Variants in WWOX observed in about 807,000 individuals in gnomAD.
WWOX encodes WW domain containing oxidoreductase.
Under a neutral mutation model 46.2 loss-of-function variants are expected in WWOX, and 69 were observed. That is an observed-to-expected ratio of 1.49 (90% confidence interval 1.23 to 1.82). WWOX has a LOEUF of 1.82. Among genes scored for constraint, WWOX ranks in the 40% most tolerant of loss-of-function variants. WWOX has a pLI of 0.00. For missense variants in WWOX, 919 were observed against 542.6 expected (o/e 1.69, Z -6.89); for synonymous variants, 359 against 202.6 (o/e 1.77, Z -6.56).
chr16:78,391,910 C>G (rs886715169), intron 6 of WWOX, among the ~76,000 whole-genome samples: 3 of 151,944 alleles, frequency 2.0e-5, no homozygotes, highest in Non-Finnish European at 4.4e-5. Context: ...CTCCTCTTTT[C>G]CTCCCTCCCT....
chr16:78,933,555 G>C (rs1170168950), intron 8 of WWOX, among the ~76,000 whole-genome samples: 3 of 152,222 alleles, frequency 2.0e-5, no homozygotes, highest in Admixed American at 2.0e-4. Context: ...GCTCCTTTAA[G>C]ACATGAATTA....
chr16:79,038,490 T>C lies in WWOX; in HGVS notation c.1057-173118T>C, dbSNP rs548249743. On this transcript the variant is annotated intron_variant, in intron 8 of 8. Coordinates refer to ENST00000566780, the MANE Select transcript of WWOX (RefSeq NM_016373.4). ...GGAAATTTATTGAGATGTTATTGTT[T>C]ATGAGTGTTCTAATTATGATTTTTA... 1.8e-4 allele frequency among the ~76,000 whole-genome samples: 28 copies of C among 152,330 alleles called. 1 individual carries two copies. Among genetic ancestry groups the C allele is most frequent in the African/African-American group, 6.7e-4 (28 of 41,572 alleles).
At chr16:78,427,505 C>A (rs962178454) in intron 7 of WWOX, among the ~76,000 whole-genome samples, 2 of 152,016 alleles carry the variant, frequency 1.3e-5, no homozygotes, top group South Asian at 4.1e-4. Flanking sequence ...TTGCCCTCCC[C>A]CACCCCACAC....
At chr16:78,941,899 G>A (rs772897369) in intron 8 of WWOX, among the ~76,000 whole-genome samples, 13 of 151,706 alleles carry the variant, frequency 8.6e-5, no homozygotes, top group Non-Finnish European at 1.3e-4. Context: ...ATTTAATTAC[G>A]GCGCTGATTA....
At chr16:78,513,894 TCCC>T (rs34101872) in intron 8 of WWOX, among the ~76,000 whole-genome samples, 17 of 116,392 alleles carry the variant, frequency 1.5e-4, no homozygotes, top group African/African-American at 7.3e-4. Flanking sequence ...CAGTTCCCAC[TCCC>T]CCCCCCCCCA....
At chr16:78,205,827 ACCTTCCTTCCTTCCTTCCGTCCTT>A (rs376131477) in intron 5 of WWOX, among the ~76,000 whole-genome samples, 32 of 144,946 alleles carry the variant, frequency 2.2e-4, no homozygotes, top group African/African-American at 5.1e-4. Context: ...CTTCCTTCCT[ACCTTCCTTCCTTCCTTCCGTCCTT>A]CCTTCCTTCC....
intron 8 of WWOX, among the ~76,000 whole-genome samples, chr16:78,973,501 A>T (rs555245823): frequency 6.6e-6 from 1 of 152,192 alleles, no homozygotes; most frequent in South Asian, 2.1e-4. Context: ...CTCTAACAAC[A>T]TGTCTGATGA....
intron 8 of WWOX, among the ~76,000 whole-genome samples, chr16:78,616,788 A>G (rs1321115169): frequency 6.6e-6 from 1 of 151,698 alleles, no homozygotes; most frequent in Non-Finnish European, 1.5e-5. Flanking sequence ...TAATAAAGTA[A>G]ATAAAAGGGC....
intron 8 of WWOX, among the ~76,000 whole-genome samples, chr16:78,682,599 C>G (rs2142237939): frequency 6.6e-6 from 1 of 152,148 alleles, no homozygotes; most frequent in East Asian, 1.9e-4. Flanking sequence ...TACAAGAAGG[C>G]CACATGTGGT....
intron 5 of WWOX, among the ~76,000 whole-genome samples, chr16:78,385,976 C>G (rs1426275472): frequency 2.6e-5 from 4 of 152,190 alleles, no homozygotes; most frequent in African/African-American, 9.6e-5. Context: ...GGAGATTTGT[C>G]CTTGCAGAAT....
intron 8 of WWOX, among the ~76,000 whole-genome samples, chr16:79,109,544 T>C (rs2049376855): frequency 1.3e-5 from 2 of 152,214 alleles, no homozygotes; most frequent in Non-Finnish European, 2.9e-5. Context: ...CAAATTAATA[T>C]GCAGTTGCTA....
At chr16:78,603,748 A>C (rs2045679703) in intron 8 of WWOX, among the ~76,000 whole-genome samples, 1 of 152,156 alleles carries the variant, frequency 6.6e-6, no homozygotes, top group South Asian at 2.1e-4. Context: ...ATGAAATTGA[A>C]AGAGAACACT....
chr16:78,748,242 T>G lies in WWOX; in HGVS notation c.1056+315490T>G, dbSNP rs142618174. ...AATACATATCTGATGAATGAATGAA[T>G]GAACCTTGTCTACCACAGATAGCTC... On this transcript the variant is annotated intron_variant, in intron 8 of 8. Transcript: ENST00000566780. Among the ~76,000 whole-genome samples the G allele has an allele frequency of 2.6e-5, 4 of 152,328 alleles. No individual in the cohort carries two copies. The East Asian group carries it at 5.8e-4, about 22-fold the overall frequency.
chr16:79,014,446 A>C (rs575968990), intron 8 of WWOX, among the ~76,000 whole-genome samples: 1 of 152,220 alleles, frequency 6.6e-6, no homozygotes, highest in African/African-American at 2.4e-5. Context: ...TCGTCCCTCA[A>C]TTTTCCGTGG....
intron 8 of WWOX, among the ~76,000 whole-genome samples, chr16:78,766,011 A>G (rs1282287603): frequency 1.3e-5 from 2 of 152,214 alleles, no homozygotes; most frequent in Admixed American, 6.5e-5. Flanking sequence ...GAGAGACCCA[A>G]GTCTGCACAG....
At chr16:78,702,120 A>ATATATATATATATATATATATATATATT (rs1207718237) in intron 8 of WWOX, among the ~76,000 whole-genome samples, 23 of 130,014 alleles carry the variant, frequency 1.8e-4, no homozygotes, top group African/African-American at 6.3e-4. Context: ...ATATATATAT[A>ATATATATATATATATATATATATATATT]TATTTATTTA....
At chr16:79,158,634 C>T (rs183321702) in intron 8 of WWOX, among the ~76,000 whole-genome samples, 2 of 152,338 alleles carry the variant, frequency 1.3e-5, no homozygotes, top group African/African-American at 4.8e-5. Flanking sequence ...GGGCCTTCAC[C>T]TTCAGCCTCT....
intron 8 of WWOX, among the ~76,000 whole-genome samples, chr16:79,039,241 C>G (rs1459913071): frequency 6.6e-6 from 1 of 152,114 alleles, no homozygotes; most frequent in Non-Finnish European, 1.5e-5. Context: ...ACCGATCTGA[C>G]TTTGCAGGAA....
chr16:78,555,718 G>T (rs201352000), intron 8 of WWOX, among the ~76,000 whole-genome samples: 1 of 151,892 alleles, frequency 6.6e-6, no homozygotes, highest in Non-Finnish European at 1.5e-5. Context: ...AGCCCCTGCA[G>T]TTCCAAATGA....
Sources: allele counts gnomAD v4.1 joint callset (sites outside exome capture counted in the v4.1 genomes callset), GRCh38; gene constraint gnomAD v4.1.1; transcripts MANE v1.5; gene names NCBI Gene and HGNC (gene_info 2026-07-23, HGNC 2026-07-21).